LRRC73: variants seen among roughly 807,000 people sequenced by gnomAD.
LRRC73 encodes leucine rich repeat containing 73.
LRRC73 carries 16 observed loss-of-function variants against 26.4 expected under a neutral mutation model. The observed-to-expected ratio is 0.61, with a 90% confidence interval of 0.41 to 0.92. The LOEUF (loss-of-function observed/expected upper bound fraction) is 0.92, where lower values mean the gene tolerates loss of function less well. Ranked by LOEUF, LRRC73 falls within the 40% of genes least tolerant of loss-of-function variation. LRRC73 has a pLI of 0.00. For synonymous variants in LRRC73, 210 were observed against 179.8 expected, an observed-to-expected ratio of 1.17 and a Z score of -1.34; for missense variants, 344 against 416.3, an observed-to-expected ratio of 0.83 and a Z score of 1.51.
At chr6:43,509,467 T>C in intron 1 of LRRC73, 47 bp downstream of exon 1, 11 of 1,565,442 alleles carry the variant, frequency 7.0e-6, no homozygotes, top group Non-Finnish European at 9.5e-6. Flanking sequence ...GGGGAGTGTA[T>C]GGAAGGGTGC....
At chr6:43,508,310 A>G in exon 3 of LRRC73, 2 of 1,612,752 alleles carry the variant, frequency 1.2e-6, no homozygotes, top group Non-Finnish European at 1.7e-6. Context: ...AGGGGGTTGT[A>G]ATCCAGATTG....
chr6:43,509,030 C>T, intron 1 of LRRC73, 110 bp from the exon 2 acceptor site: 3 of 1,107,448 alleles, frequency 2.7e-6, no homozygotes, highest in Non-Finnish European at 3.7e-6. Context: ...AGTCACAGCG[C>T]TTGAGAGGCC....
chr6:43,509,743 C>A (rs1364927241), exon 1 of LRRC73: 1 of 1,586,168 alleles, frequency 6.3e-7, no homozygotes, highest in East Asian at 2.3e-5. Context: ...ACCTCGGCGC[C>A]GGACAGCGGC....
At chr6:43,508,009 T>G (rs887699371) in intron 3 of LRRC73, 83 bp from the exon 4 acceptor site, 20 of 1,215,596 alleles carry the variant, frequency 1.6e-5, no homozygotes, top group Non-Finnish European at 2.3e-5. Context: ...TTAACAACTT[T>G]AGATACTAAT....
chr6:43,509,083 A>C (rs1299674883), intron 1 of LRRC73, among the ~76,000 whole-genome samples, 163 bp from the exon 2 acceptor site: 1 of 149,060 alleles, frequency 6.7e-6, no homozygotes, highest in Non-Finnish European at 1.5e-5. Context: ...GGGAATACAG[A>C]TAGAGGGAGA....
intron 1 of LRRC73, among the ~76,000 whole-genome samples, 184 bp downstream of exon 1, chr6:43,509,330 C>T (rs1582168171): frequency 6.6e-6 from 1 of 152,168 alleles, no homozygotes; most frequent in Admixed American, 6.5e-5. Flanking sequence ...GCTAGGGTCG[C>T]GCGTGCAAAG....
exon 6 of LRRC73, chr6:43,507,142 A>G: frequency 7.5e-7 from 1 of 1,335,904 alleles, no homozygotes; most frequent in East Asian, 2.4e-5. Flanking sequence ...CCCTGACCCC[A>G]GTTCCCTCCC....
At chr6:43,509,687 G>C (rs764133472) in exon 1 of LRRC73, 17 of 1,592,338 alleles carry the variant, frequency 1.1e-5, no homozygotes, top group East Asian at 2.3e-5. Context: ...CGCGCAGTGA[G>C]AGCAGGCGCA....
chr6:43,508,023 TG>T, intron 3 of LRRC73, 97 bp from the exon 4 acceptor site: 1 of 1,144,710 alleles, frequency 8.7e-7, no homozygotes, highest in Admixed American at 2.2e-5. Flanking sequence ...TACTAATCCC[TG>T]GCCAAGGAAA....
At chr6:43,508,222 A>C in intron 3 of LRRC73, 76 bp downstream of exon 3, 1 of 1,527,694 alleles carries the variant, frequency 6.5e-7, no homozygotes, top group Non-Finnish European at 8.8e-7. Context: ...ACGGGTTACC[A>C]TGTCAACTGA....
rs772869457 is a variant in LRRC73 at position 43,508,356 on chromosome 6, G to A, written c.498C>T (p.Ala166=). Reference sequence around the variant, plus strand: ...CCTGGGAGCTGTGGGCCACGGCAATGGCAAGGCGGCTCCAGCCCTTAGGGG... The same window carrying A: ...CCTGGGAGCTGTGGGCCACGGCAATAGCAAGGCGGCTCCAGCCCTTAGGGG... The change falls in exon 3 of 6, where the codon GCC becomes GCT. Residue 166 remains alanine (A), a synonymous_variant. Transcript: ENST00000372441. 10 of 1,613,704 alleles carry A rather than the reference G, an allele frequency of 6.2e-6. No individual in the cohort carries two copies. In the South Asian group the frequency reaches 9.9e-5, roughly 16 times the overall value.
exon 1 of LRRC73, chr6:43,509,898 T>G (rs1582168784): frequency 1.1e-6 from 1 of 940,718 alleles, no homozygotes; most frequent in African/African-American, 1.8e-5. Flanking sequence ...GCGGGCGGAG[T>G]GGGGCCGGGG....
At chr6:43,508,128 G>C (rs969392730) in intron 3 of LRRC73, among the ~76,000 whole-genome samples, 170 bp downstream of exon 3, 1 of 152,180 alleles carries the variant, frequency 6.6e-6, no homozygotes, top group African/African-American at 2.4e-5. Flanking sequence ...CTGATGTTTT[G>C]ATCTATTTGT....
At chr6:43,507,540 C>G in exon 5 of LRRC73, 1 of 1,613,896 alleles carries the variant, frequency 6.2e-7, no homozygotes, top group Non-Finnish European at 8.5e-7. Context: ...TCGCCAGCCC[C>G]TCCTGCCACT....
intron 3 of LRRC73, 140 bp from the exon 4 acceptor site, chr6:43,508,066 C>A (rs1024419313): frequency 3.1e-6 from 3 of 979,826 alleles, no homozygotes; most frequent in African/African-American, 3.3e-5. Flanking sequence ...AGGAAGGGAT[C>A]ATTGTGATTG....
chr6:43,507,878 G>A, exon 4 of LRRC73: 3 of 1,613,890 alleles, frequency 1.9e-6, no homozygotes, highest in East Asian at 2.2e-5. Context: ...GACCTCTAGG[G>A]TACGACTAGA....
chr6:43,509,743 C>T (rs1364927241), exon 1 of LRRC73: 5 of 1,586,168 alleles, frequency 3.2e-6, no homozygotes, highest in Non-Finnish European at 4.3e-6. Context: ...ACCTCGGCGC[C>T]GGACAGCGGC....
chr6:43,508,676 C>A (rs747118101), intron 2 of LRRC73, 84 bp downstream of exon 2: 30 of 1,509,102 alleles, frequency 2.0e-5, no homozygotes, highest in Non-Finnish European at 2.5e-5. Flanking sequence ...ATCATCAGAG[C>A]TCTGGGGCCA....
exon 5 of LRRC73, chr6:43,507,478 G>A: frequency 6.2e-7 from 1 of 1,612,906 alleles, no homozygotes. Flanking sequence ...TCCAGGAGCT[G>A]CTGCCTCTCT....
Sources: allele counts gnomAD v4.1 joint callset (sites outside exome capture counted in the v4.1 genomes callset), GRCh38; gene constraint gnomAD v4.1.1; transcripts MANE v1.5; gene names NCBI Gene and HGNC (gene_info 2026-07-23, HGNC 2026-07-21).